SEZ6L2: variants seen among roughly 807,000 people sequenced by gnomAD.
SEZ6L2 encodes seizure related 6 homolog like 2.
Under a neutral mutation model 97.0 loss-of-function variants are expected in SEZ6L2, and 44 were observed. The observed-to-expected ratio is 0.45, with a 90% confidence interval of 0.36 to 0.58. SEZ6L2 has a LOEUF of 0.58. SEZ6L2 is among the 20% of genes least tolerant of loss of function. SEZ6L2 has a pLI of 0.00. For missense variants in SEZ6L2, 1,086 were observed against 1,233.3 expected, an observed-to-expected ratio of 0.88 and a Z score of 1.79; for synonymous variants, 543 against 546.1, an observed-to-expected ratio of 0.99 and a Z score of 0.08.
Position 29,871,572 on chromosome 16 carries a change from G to A in SEZ6L2, c.*127C>T. On this transcript the variant is annotated 3_prime_UTR_variant, in exon 18 of 18. Transcript: ENST00000617533. ...CAGGGCCATCAAAGCCCCCTCGTGG[G>A]ATAGGGAGACTATTTACACAGCCAG... 1.1e-6 allele frequency: 1 copy of A among 928,720 alleles called. No individual in the cohort carries two copies. Among genetic ancestry groups the A allele is most frequent in the Non-Finnish European group, 1.7e-6 (1 of 580,030 alleles). 57.5% of individuals were successfully genotyped at this position (928,720 alleles called of 1,614,324 possible).
Position 29,873,612 on chromosome 16 carries a change from C to A in SEZ6L2, c.2222G>T (p.Gly741Val). ...GCTGTAGCAGGTGAGCATGGCTGCC[C>A]CCTCGAGGCTGTACCCTGGCAGGCA... ...YRCLPGYSLE[G>V]AAMLTCYSRD... The change falls in exon 13 of 18, where the codon GGG becomes GTG. Residue 741 changes from glycine to valine, a missense_variant. By Grantham distance (109) the Gly-to-Val change is moderately radical. Coordinates refer to ENST00000617533, the MANE Select transcript of SEZ6L2 (RefSeq NM_001243332.2). This position sits in a 1 kb window ranked among gnomAD's most constrained non-coding sequence, Gnocchi z 4.3. 6.2e-7 allele frequency: 1 copy of A among 1,614,096 alleles called. No individual in the cohort carries two copies. Among genetic ancestry groups the A allele is most frequent in the Non-Finnish European group, 8.5e-7 (1 of 1,180,002 alleles).
intron 9 of SEZ6L2, among the ~76,000 whole-genome samples, chr16:29,879,302 C>T (rs1172553933): frequency 1.3e-5 from 2 of 150,722 alleles, no homozygotes; most frequent in East Asian, 2.0e-4. Context: ...CTCGGCTCAC[C>T]GCAACCTCCG....
At chr16:29,877,156 C>T (rs1567412528) in intron 11 of SEZ6L2, 115 bp downstream of exon 11, 1 of 1,240,402 alleles carries the variant, frequency 8.1e-7, no homozygotes, top group Non-Finnish European at 1.1e-6. Context: ...ACGATCCTCC[C>T]GCCTCGGCCT....
intron 17 of SEZ6L2, among the ~76,000 whole-genome samples, chr16:29,871,953 G>A (rs1029076973): frequency 1.3e-5 from 2 of 152,130 alleles, no homozygotes; most frequent in African/African-American, 4.8e-5. Flanking sequence ...TTGTGCCTCA[G>A]TTTCGACTAT....
chr16:29,888,972 G>A (rs1364614619), intron 5 of SEZ6L2, among the ~76,000 whole-genome samples: 1 of 152,050 alleles, frequency 6.6e-6, no homozygotes, highest in African/African-American at 2.4e-5. Context: ...CCATTTTATA[G>A]ATGAGGTATC....
chr16:29,898,319 C>A (rs74017649), intron 1 of SEZ6L2, among the ~76,000 whole-genome samples: 5,151 of 152,286 alleles, frequency 0.034, 258 homozygotes, highest in African/African-American at 0.12. Flanking sequence ...TGATCTCCCC[C>A]CAACCCTGGG....
At position 29,899,491 on chromosome 16, in the gene SEZ6L2, G is replaced by A. The variant is rs2068487851; in HGVS notation, c.-472C>T. 6.4e-6 allele frequency: 1 copy of A among 155,332 alleles called. No individual in the cohort carries two copies. The highest frequency in any genetic ancestry group is 1.8e-4 in the South Asian group (1 of 5,588). The allele number at this position is 155,332 out of a possible 1,614,324, so 9.6% of individuals were successfully genotyped here. On this transcript the variant is annotated 5_prime_UTR_variant, in exon 1 of 18. Transcript: ENST00000617533. ...GGCTTGTCGGGGAGGGGAAGGGGTG[G>A]GTTGGGGAACTGGGAGAGCCGAAGC...
chr16:29,895,760 G>C lies in SEZ6L2; in HGVS notation c.612C>G (p.Tyr204Ter). Reference sequence around the variant, plus strand: ...CGTAGCCAGGGTAGACATGGATGCTGTAAGTGCAGTCCAGGAGCCCCAGGG... The same window carrying C: ...CGTAGCCAGGGTAGACATGGATGCTCTAAGTGCAGTCCAGGAGCCCCAGGG... ...SRTLGLLDCT[Y>*]SIHVYPGYGI... Residue 204 changes from tyrosine to a stop codon, truncating the protein, a stop_gained, in exon 4 of 18, where the codon TAC becomes TAG. Transcript: ENST00000617533. LOFTEE classifies it high-confidence loss of function. The C allele has an allele frequency of 1.9e-6, 3 of 1,614,122 alleles. No individual in the cohort carries two copies. The highest frequency in any genetic ancestry group is 2.5e-6 in the Non-Finnish European group (3 of 1,179,996).
chr16:29,878,383 A>T lies in SEZ6L2; in HGVS notation c.1616T>A (p.Leu539His). 1.2e-6 allele frequency: 2 copies of T among 1,608,424 alleles called. No homozygotes were observed. Among genetic ancestry groups the T allele is most frequent in the Non-Finnish European group, 1.7e-6 (2 of 1,176,764 alleles). ...GELSEPAGVV[L>H]SPDWPQSYSP... ...ATAGCTCTGGGGCCAGTCGGGAGAG[A>T]GGACCACGCCAGCTGGTTCCGACAG... The change falls in exon 10 of 18, where the codon CTC becomes CAC. Residue 539 changes from leucine to histidine, a missense_variant. This residue lies in a region of SEZ6L2 where 776 missense variants were observed against 794.7 expected (regional missense o/e 0.98). Transcript: ENST00000617533.
At chr16:29,884,907 C>T (rs2068102042) in intron 8 of SEZ6L2, among the ~76,000 whole-genome samples, 1 of 149,570 alleles carries the variant, frequency 6.7e-6, no homozygotes, top group Non-Finnish European at 1.5e-5. Flanking sequence ...GAGCAAAACT[C>T]CGTCTCAAAA....
rs777811483 is a variant in SEZ6L2 at position 29,876,869 on chromosome 16, C to T, written c.1991G>A (p.Arg664Gln). Residue 664 changes from arginine (R) to glutamine (Q), a missense_variant, in exon 12 of 18, where the codon CGG becomes CAG. Coordinates refer to ENST00000617533, the MANE Select transcript of SEZ6L2 (RefSeq NM_001243332.2). This position sits in a 1 kb window ranked among gnomAD's most constrained non-coding sequence, Gnocchi z 6.5. ...GCACTGGTAGGTGAGCACCGTGCCC[C>T]GGATCAGGTCCCCGTGGGATGCCGT... ...WRTASHGDLI[R>Q]GTVLTYQCEP... 23 of 1,613,398 alleles carry T rather than the reference C, an allele frequency of 1.4e-5. No individual in the cohort carries two copies. The highest frequency in any genetic ancestry group is 1.9e-5 in the Non-Finnish European group (23 of 1,179,818).
At position 29,899,421 on chromosome 16, in the gene SEZ6L2, A is replaced by G; in HGVS notation, c.-402T>C. On this transcript the variant is annotated 5_prime_UTR_variant, in exon 1 of 18. Transcript: ENST00000617533. ...GGAGAAAGACAGCTTCTGGGGGTTT[A>G]GGGTGGGGTCGAGGATCGAGGGGGT... is the stretch of plus-strand genomic sequence containing the variant. The G allele has an allele frequency of 1.7e-5, 1 of 60,320 alleles. No individual in the cohort carries two copies. Among genetic ancestry groups the G allele is most frequent in the Non-Finnish European group, 2.9e-5 (1 of 35,012 alleles). 3.7% of individuals were successfully genotyped at this position (60,320 alleles called of 1,614,324 possible). A position where few individuals can be genotyped will look rare whatever the true frequency, so the allele number is the denominator to read the frequency against.
Position 29,895,812 on chromosome 16 carries a change from G to A in SEZ6L2, c.560C>T (p.Pro187Leu). 1 of 1,614,056 alleles carries A rather than the reference G, an allele frequency of 6.2e-7. No homozygotes were observed. The highest frequency in any genetic ancestry group is 8.5e-7 in the Non-Finnish European group (1 of 1,179,978). ...GCGGCTGACGGGGCTCCCCAGATCT[G>A]GAGACTCCACATACCCTTCGCCCTC... ...ISEGEGYVES[P>L]DLGSPVSRTL... Residue 187 changes from proline (P) to leucine (L), a missense_variant, in exon 4 of 18, where the codon CCA (proline) becomes CTA (leucine). Coordinates refer to ENST00000617533, the MANE Select transcript of SEZ6L2 (RefSeq NM_001243332.2).
chr16:29,893,303 A>G (rs2068310773), intron 5 of SEZ6L2, among the ~76,000 whole-genome samples: 1 of 152,032 alleles, frequency 6.6e-6, no homozygotes, highest in South Asian at 2.1e-4. Context: ...CAGCCTGGCC[A>G]ACAAGAGCAA....
In SEZ6L2 at chr16:29,873,111, C is replaced by T. The variant is rs771282837; in HGVS notation, c.2488+129G>A. 382 of 1,072,502 alleles carry T rather than the reference C, an allele frequency of 3.6e-4. No individual in the cohort carries two copies. The highest frequency in any genetic ancestry group is 4.7e-4 in the Non-Finnish European group (355 of 748,518). 66.4% of individuals were successfully genotyped at this position (1,072,502 alleles called of 1,614,324 possible). A position where few individuals can be genotyped will look rare whatever the true frequency, so the allele number is the denominator to read the frequency against. On this transcript the variant is annotated intron_variant, in intron 14 of 17. Transcript: ENST00000617533. The surrounding 1 kb of genome is among the most constrained non-coding windows in gnomAD (Gnocchi z 4.3). ...GCTTCTGGACACACCCGTGAGGACA[C>T]GAGGCCACAGGAGGAGAACCGGGAG...
chr16:29,877,000 C>G lies in SEZ6L2; in HGVS notation c.1910-50G>C. On this transcript the variant is annotated intron_variant, in intron 11 of 17. Coordinates refer to ENST00000617533, the MANE Select transcript of SEZ6L2 (RefSeq NM_001243332.2). This position sits in a 1 kb window ranked among gnomAD's most constrained non-coding sequence, Gnocchi z 6.5. ...GGAGGCTGCGTTTTAACTGCGGGCT[C>G]CCTTCCAGCCTCGGAGGCTTTGCTC... 1.3e-6 allele frequency: 2 copies of G among 1,541,782 alleles called. No individual in the cohort carries two copies. Among genetic ancestry groups the G allele is most frequent in the Non-Finnish European group, 1.8e-6 (2 of 1,134,340 alleles).
chr16:29,884,190 T>C (rs1178260052), intron 8 of SEZ6L2, among the ~76,000 whole-genome samples: 1 of 152,180 alleles, frequency 6.6e-6, no homozygotes, highest in Admixed American at 6.6e-5. Flanking sequence ...AGTGATTGGC[T>C]CAGGCTAAGG....
Position 29,876,665 on chromosome 16 carries a change from C to T in SEZ6L2, c.2104+91G>A. The T allele has an allele frequency of 8.0e-7, 1 of 1,243,042 alleles. No homozygotes were observed. The highest frequency in any genetic ancestry group is 1.1e-6 in the Non-Finnish European group (1 of 918,064). The allele number at this position is 1,243,042 out of a possible 1,614,324, so 77.0% of individuals were successfully genotyped here. A position where few individuals can be genotyped will look rare whatever the true frequency, so the allele number is the denominator to read the frequency against. ...GGACCCCGAGCGAAGGGATGGAACCCAGAAAGCACGGGGGTCGGGACAGGA... is the reference window on the plus strand; with the variant it reads ...GGACCCCGAGCGAAGGGATGGAACCTAGAAAGCACGGGGGTCGGGACAGGA... On this transcript the variant is annotated intron_variant, in intron 12 of 17. Coordinates refer to ENST00000617533, the MANE Select transcript of SEZ6L2 (RefSeq NM_001243332.2). This position sits in a 1 kb window ranked among gnomAD's most constrained non-coding sequence, Gnocchi z 6.5.
At position 29,888,731 on chromosome 16, in the gene SEZ6L2, CCAGA is replaced by C; in HGVS notation, c.854-10_854-7del. Reference sequence around the variant, plus strand: ...GCCACAGCTCAGGAGGTAGGCTGCACCAGACAGACAGCGGGTAGCAGGGCTCACT... The same window carrying C: ...GCCACAGCTCAGGAGGTAGGCTGCACCAGACAGCGGGTAGCAGGGCTCACT... On this transcript the variant is annotated splice_region_variant and splice_polypyrimidine_tract_variant and intron_variant, in intron 5 of 17. Transcript: ENST00000617533. 1.2e-6 allele frequency: 2 copies of C among 1,607,796 alleles called. No homozygotes were observed. Among genetic ancestry groups the C allele is most frequent in the Admixed American group, 1.7e-5 (1 of 59,770 alleles).
Sources: allele counts gnomAD v4.1 joint callset (sites outside exome capture counted in the v4.1 genomes callset), GRCh38; gene constraint gnomAD v4.1.1; regional missense constraint gnomAD v4.1.1; non-coding constraint Gnocchi (gnomAD v3.1); transcripts MANE v1.5; gene names NCBI Gene and HGNC (gene_info 2026-07-23, HGNC 2026-07-21).